Variants in BPGM observed in about 807,000 individuals in gnomAD.
The protein encoded by BPGM is bisphosphoglycerate mutase.
A neutral mutation model predicts 21.6 loss-of-function variants in BPGM; 15 were observed. That is an observed-to-expected ratio of 0.70 (90% CI 0.47 to 1.07). BPGM has a LOEUF of 1.07. Ranked by LOEUF, BPGM falls within the 50% of genes least tolerant of loss-of-function variation. BPGM has a pLI of 0.00. For missense variants in BPGM, 273 were observed against 319.0 expected, an observed-to-expected ratio of 0.86 and a Z score of 1.10; for synonymous variants, 113 against 116.2, an observed-to-expected ratio of 0.97 and a Z score of 0.18.
intron 2 of BPGM, among the ~76,000 whole-genome samples, chr7:134,672,424 C>G (rs1795919705): frequency 6.6e-6 from 1 of 152,110 alleles, no homozygotes; most frequent in Non-Finnish European, 1.5e-5. Context: ...TTGCCCATTG[C>G]AAGAATTTAG....
Position 134,661,684 on chromosome 7 carries a change from C to T in BPGM, c.177C>T (p.Val59=). The change falls in exon 2 of 3, where the codon GTC becomes GTT. Residue 59 remains valine, a synonymous_variant. Coordinates refer to ENST00000344924, the MANE Select transcript of BPGM (RefSeq NM_001724.5). The surrounding 1 kb of genome is among the most constrained non-coding windows in gnomAD (Gnocchi z 4.6). ...AGTTTGATCTTGTATTCACATCTGTCCTTAATCGGTCCATTCACACAGCCT... is the reference window on the plus strand; with the variant it reads ...AGTTTGATCTTGTATTCACATCTGTTCTTAATCGGTCCATTCACACAGCCT... The part of the protein sequence containing the change: ...NFEFDLVFTS[V]LNRSIHTAWL... 1.9e-6 allele frequency: 3 copies of T among 1,614,124 alleles called. No individual in the cohort carries two copies. Among genetic ancestry groups the T allele is most frequent in the Non-Finnish European group, 2.5e-6 (3 of 1,180,022 alleles).
Position 134,678,853 on chromosome 7 carries a change from G to C in BPGM, c.602G>C (p.Gly201Ala). The C allele has an allele frequency of 6.2e-7, 1 of 1,613,456 alleles. No homozygotes were observed. The highest frequency in any genetic ancestry group is 1.1e-5 in the South Asian group (1 of 91,068). ...SSRALLKHLEGISDEDIINIT... is the reference protein window; with the variant it reads ...SSRALLKHLEAISDEDIINIT... ...GGTCTCTTCCTGTCCTGATCAACAG[G>C]TATCTCAGATGAAGACATCATCAAC... is the stretch of plus-strand genomic sequence containing the variant. The change falls in exon 3 of 3, where the codon GGT (glycine) becomes GCT (alanine). Residue 201 changes from glycine (G) to alanine (A), a missense_variant and splice_region_variant. Coordinates refer to ENST00000344924, the MANE Select transcript of BPGM (RefSeq NM_001724.5).
intron 2 of BPGM, 51 bp downstream of exon 2, chr7:134,662,159 G>T: frequency 6.2e-7 from 1 of 1,610,096 alleles, no homozygotes; most frequent in Non-Finnish European, 8.5e-7. Context: ...TGATATCTAG[G>T]CCTTAATCTA....
At chr7:134,663,025 A>G (rs1795760911) in intron 2 of BPGM, among the ~76,000 whole-genome samples, 2 of 152,140 alleles carry the variant, frequency 1.3e-5, no homozygotes, top group South Asian at 4.1e-4. Flanking sequence ...TTTTTGCGTG[A>G]TATGCCCTGT....
intron 2 of BPGM, among the ~76,000 whole-genome samples, chr7:134,666,017 A>AC: frequency 6.6e-6 from 1 of 152,036 alleles, no homozygotes; most frequent in Admixed American, 6.6e-5. Context: ...AGCTAGGATT[A>AC]TAGGTGTGTA....
chr7:134,659,143 C>A (rs1418124739), intron 1 of BPGM, among the ~76,000 whole-genome samples: 1 of 152,086 alleles, frequency 6.6e-6, no homozygotes, highest in African/African-American at 2.4e-5. Flanking sequence ...AGGTTTCTCA[C>A]TTGACAAGAT....
At chr7:134,674,701 T>C (rs1489878378) in intron 2 of BPGM, among the ~76,000 whole-genome samples, 1 of 152,256 alleles carries the variant, frequency 6.6e-6, no homozygotes, top group Non-Finnish European at 1.5e-5. Flanking sequence ...TTTTTGACTA[T>C]TATGAGTAAT....
chr7:134,673,671 C>T (rs956736980), intron 2 of BPGM, among the ~76,000 whole-genome samples: 1 of 152,184 alleles, frequency 6.6e-6, no homozygotes, highest in Non-Finnish European at 1.5e-5. Context: ...GTCGTGGGAA[C>T]ACTGGATGGC....
intron 2 of BPGM, among the ~76,000 whole-genome samples, chr7:134,674,825 G>A (rs1795962370): frequency 6.6e-6 from 1 of 152,144 alleles, no homozygotes; most frequent in Non-Finnish European, 1.5e-5. Flanking sequence ...TTTAACAAAA[G>A]GAATTGCCAG....
intron 1 of BPGM, among the ~76,000 whole-genome samples, chr7:134,657,387 C>A (rs1426532291): frequency 6.6e-6 from 1 of 152,180 alleles, no homozygotes; most frequent in Non-Finnish European, 1.5e-5. Flanking sequence ...ATGAAGGATT[C>A]TGAACATTTT....
chr7:134,672,146 A>T (rs1018867173), intron 2 of BPGM, among the ~76,000 whole-genome samples: 8 of 152,186 alleles, frequency 5.3e-5, no homozygotes, highest in African/African-American at 1.9e-4. Context: ...TTATTACCCC[A>T]AACTTTCATT....
Position 134,679,785 on chromosome 7 carries a change from A to C in BPGM, c.*754A>C, listed in dbSNP as rs1336988017. 1 of 152,216 alleles carries C rather than the reference A, an allele frequency of 6.6e-6. No homozygotes were observed. The highest frequency in any genetic ancestry group is 1.5e-5 in the Non-Finnish European group (1 of 68,038). The allele number at this position is 152,216 out of a possible 1,614,324, so 9.4% of individuals were successfully genotyped here. ...AATTAGTTTAAAAATAAAGTTCCTGATAATAAAGTGACTGAAAATGGCATC... is the reference window on the plus strand; with the variant it reads ...AATTAGTTTAAAAATAAAGTTCCTGCTAATAAAGTGACTGAAAATGGCATC... On this transcript the variant is annotated 3_prime_UTR_variant, in exon 3 of 3. Coordinates refer to ENST00000344924, the MANE Select transcript of BPGM (RefSeq NM_001724.5).
At chr7:134,656,705 C>T (rs1423215123) in intron 1 of BPGM, among the ~76,000 whole-genome samples, 2 of 152,178 alleles carry the variant, frequency 1.3e-5, no homozygotes, top group Admixed American at 6.5e-5. Flanking sequence ...AATTACCTCC[C>T]ACTGGGTCCC....
intron 2 of BPGM, among the ~76,000 whole-genome samples, chr7:134,670,063 G>T (rs568516091): frequency 1.3e-5 from 2 of 152,308 alleles, no homozygotes; most frequent in Admixed American, 1.3e-4. Flanking sequence ...CACGTCCAAG[G>T]AAAAGCCAGG....
chr7:134,647,703 T>A (rs1795482535), intron 1 of BPGM, among the ~76,000 whole-genome samples: 1 of 152,222 alleles, frequency 6.6e-6, no homozygotes, highest in African/African-American at 2.4e-5. Context: ...GCAGACTCTT[T>A]CCAAGAAGGG....
At chr7:134,668,011 G>A (rs1409558363) in intron 2 of BPGM, among the ~76,000 whole-genome samples, 1 of 152,144 alleles carries the variant, frequency 6.6e-6, no homozygotes, top group Non-Finnish European at 1.5e-5. Context: ...TTTCTACTAA[G>A]AGTATGCTAG....
At chr7:134,654,835 G>T (rs547794603) in intron 1 of BPGM, among the ~76,000 whole-genome samples, 51 of 152,238 alleles carry the variant, frequency 3.4e-4, no homozygotes, top group African/African-American at 1.1e-3. Flanking sequence ...CACCATTTCA[G>T]TAGAGTGGGT....
At chr7:134,670,398 G>A (rs990977873) in intron 2 of BPGM, among the ~76,000 whole-genome samples, 6 of 152,154 alleles carry the variant, frequency 3.9e-5, no homozygotes, top group Non-Finnish European at 7.3e-5. Context: ...CTTCTGTGAG[G>A]CAAGTAGTTG....
At chr7:134,665,811 A>G (rs192277642) in intron 2 of BPGM, among the ~76,000 whole-genome samples, 1 of 151,624 alleles carries the variant, frequency 6.6e-6, no homozygotes, top group East Asian at 1.9e-4. Context: ...TTATTTTTTT[A>G]AGTTGGAAGT....
Sources: gnomAD v4.1 joint callset for allele counts (sites outside exome capture counted in the v4.1 genomes callset) on GRCh38, gnomAD v4.1.1 for gene constraint, Gnocchi (gnomAD v3.1) non-coding constraint, MANE v1.5 for transcripts, NCBI Gene and HGNC (gene_info 2026-07-23, HGNC 2026-07-21) for gene names.